IL1RAPL1: variants seen among roughly 807,000 people sequenced by gnomAD.
IL1RAPL1 encodes the protein interleukin 1 receptor accessory protein like 1.
IL1RAPL1 carries 3 observed loss-of-function variants against 48.4 expected under a neutral mutation model. That is an observed-to-expected ratio of 0.06 (90% CI 0.03 to 0.16). The LOEUF (loss-of-function observed/expected upper bound fraction) is 0.16, where lower values mean the gene tolerates loss of function less well. Among genes scored for constraint, IL1RAPL1 ranks in the 10% least tolerant of loss-of-function variants. IL1RAPL1 has a pLI of 1.00. For missense variants in IL1RAPL1, 349 were observed against 530.6 expected (o/e 0.66, Z 3.36); for synonymous variants, 185 against 187.7 (o/e 0.99, Z 0.12).
At chrX:28,839,836 T>C (rs762184601) in intron 2 of IL1RAPL1, among the ~76,000 whole-genome samples, 1 of 110,640 alleles carries the variant, frequency 9.0e-6, no homozygotes, top group Non-Finnish European at 1.9e-5. Flanking sequence ...AATTCATTCA[T>C]TAGGAAAATA....
chrX:29,138,816 A>G (rs1395574277), intron 2 of IL1RAPL1, among the ~76,000 whole-genome samples: 1 of 109,551 alleles, frequency 9.1e-6, no homozygotes, highest in Non-Finnish European at 1.9e-5. Flanking sequence ...ACAATGAAAG[A>G]CATTAACAGG....
At chrX:29,114,483 G>T (rs1433726869) in intron 2 of IL1RAPL1, among the ~76,000 whole-genome samples, 1 of 111,510 alleles carries the variant, frequency 9.0e-6, no homozygotes, top group Non-Finnish European at 1.9e-5. Context: ...CTTTTGTCCT[G>T]ATCAATTTTT....
At chrX:29,377,374 A>T (rs975218375) in intron 3 of IL1RAPL1, among the ~76,000 whole-genome samples, 3 of 111,855 alleles carry the variant, frequency 2.7e-5, no homozygotes, top group African/African-American at 9.8e-5. Context: ...GTTAGTATTG[A>T]TAGATGAGAT....
At chrX:29,587,433 GAT>G (rs1923215531) in intron 5 of IL1RAPL1, among the ~76,000 whole-genome samples, 1 of 110,493 alleles carries the variant, frequency 9.1e-6, no homozygotes, top group Non-Finnish European at 1.9e-5. Flanking sequence ...ATTTCAATTA[GAT>G]AGGAAGAGTA....
At position 28,810,010 on chromosome X, in the gene IL1RAPL1, G is replaced by A. The variant is rs779392469; in HGVS notation, c.82+20585G>A. ...ATAAAGAAGCACAGATGACTTCTAA[G>A]TTTTATGAGTAACTGTATTGATGGT... On this transcript the variant is annotated intron_variant, in intron 2 of 10. Transcript: ENST00000378993. 7.3e-5 allele frequency among the ~76,000 whole-genome samples: 8 copies of A among 109,048 alleles called. No individual in the cohort carries two copies. The South Asian group carries it at 2.8e-3, about 38-fold the overall frequency. 94.7% of individuals were successfully genotyped at this position (109,048 alleles called of 115,157 possible). A position where few individuals can be genotyped will look rare whatever the true frequency, so the allele number is the denominator to read the frequency against.
Position 29,906,251 on chromosome X carries a change from C to T in IL1RAPL1, c.779-11213C>T, listed in dbSNP as rs1211449052. Among the ~76,000 whole-genome samples the T allele has an allele frequency of 1.1e-4, 11 of 103,364 alleles. No homozygotes were observed. The Admixed American group carries it at 1.2e-3, about 11-fold the overall frequency. The allele number at this position is 103,364 out of a possible 115,157, so 89.8% of individuals were successfully genotyped here. A position where few individuals can be genotyped will look rare whatever the true frequency, so the allele number is the denominator to read the frequency against. On this transcript the variant is annotated intron_variant, in intron 6 of 10. Transcript: ENST00000378993. Reference sequence around the variant, plus strand: ...TCGGGAGGCTGAGACAGGAGAATGGCGTGAACCCGGGAGGCGGAGCTTGCA... The same window carrying T: ...TCGGGAGGCTGAGACAGGAGAATGGTGTGAACCCGGGAGGCGGAGCTTGCA...
intron 5 of IL1RAPL1, among the ~76,000 whole-genome samples, chrX:29,586,932 C>G (rs1248002631): frequency 9.0e-6 from 1 of 110,982 alleles, no homozygotes; most frequent in African/African-American, 3.3e-5. Flanking sequence ...TTGGTGGAAT[C>G]TTTAAGATTT....
chrX:28,785,916 A>T (rs1936468216), intron 1 of IL1RAPL1, among the ~76,000 whole-genome samples: 1 of 112,105 alleles, frequency 8.9e-6, no homozygotes, highest in Non-Finnish European at 1.9e-5. Context: ...TTATCAAATG[A>T]TGGGTTTAAA....
At chrX:29,872,451 C>T (rs1313414254) in intron 6 of IL1RAPL1, among the ~76,000 whole-genome samples, 1 of 111,246 alleles carries the variant, frequency 9.0e-6, no homozygotes, top group Non-Finnish European at 1.9e-5. Flanking sequence ...TTGTGTCTCC[C>T]CCAAAATTCA....
At chrX:29,236,811 T>C (rs1473815354) in intron 2 of IL1RAPL1, among the ~76,000 whole-genome samples, 4 of 107,598 alleles carry the variant, frequency 3.7e-5, no homozygotes, top group South Asian at 4.2e-4. Context: ...CCTCATGATC[T>C]GCCCACCTTG....
chrX:28,672,284 G>A (rs1934954456), intron 1 of IL1RAPL1, among the ~76,000 whole-genome samples: 1 of 111,678 alleles, frequency 9.0e-6, no homozygotes, highest in Non-Finnish European at 1.9e-5. Flanking sequence ...AATTAAGGGA[G>A]TCTTGTTACC....
At chrX:29,465,349 T>G (rs1338524659) in intron 5 of IL1RAPL1, among the ~76,000 whole-genome samples, 2 of 111,686 alleles carry the variant, frequency 1.8e-5, no homozygotes, top group Non-Finnish European at 3.8e-5. Context: ...GAGGCAGCAG[T>G]GAGCCATGAT....
intron 2 of IL1RAPL1, among the ~76,000 whole-genome samples, chrX:28,833,393 T>G (rs1250252378): frequency 1.8e-5 from 2 of 111,892 alleles, no homozygotes; most frequent in Non-Finnish European, 3.8e-5. Context: ...CTTTAAGAAA[T>G]CTACAAACAG....
chrX:29,703,074 A>T (rs1180256350), intron 6 of IL1RAPL1, among the ~76,000 whole-genome samples: 2 of 111,997 alleles, frequency 1.8e-5, no homozygotes, highest in East Asian at 5.6e-4. Context: ...AAGACATGAC[A>T]TTGTTTCCAA....
At chrX:28,700,239 T>C (rs928467271) in intron 1 of IL1RAPL1, among the ~76,000 whole-genome samples, 5 of 111,251 alleles carry the variant, frequency 4.5e-5, no homozygotes, top group Non-Finnish European at 9.4e-5. Context: ...AAGAGTATGA[T>C]GTTCTATAAG....
chrX:29,558,621 A>G (rs1000651829), intron 5 of IL1RAPL1, among the ~76,000 whole-genome samples: 1 of 111,853 alleles, frequency 8.9e-6, no homozygotes, highest in African/African-American at 3.2e-5. Context: ...ACCCAGACCA[A>G]TGTCAAAAAG....
intron 2 of IL1RAPL1, among the ~76,000 whole-genome samples, chrX:29,200,729 A>C (rs1022158196): frequency 2.7e-5 from 3 of 112,260 alleles, no homozygotes; most frequent in Admixed American, 9.5e-5. Flanking sequence ...ATTAATACTT[A>C]AGACATATTT....
intron 2 of IL1RAPL1, among the ~76,000 whole-genome samples, chrX:29,127,597 T>C (rs73210074): frequency 0.21 from 23,021 of 111,092 alleles, 2,047 homozygotes; most frequent in African/African-American, 0.33. Context: ...AATCTCCTTT[T>C]GAGTGTCAGA....
rs186587266 is a variant in IL1RAPL1, at chrX:29,664,069, C to T, written c.704-4361C>T. Among the ~76,000 whole-genome samples, 7 of 112,052 alleles carry T rather than the reference C, an allele frequency of 6.2e-5. No homozygotes were observed. In the East Asian group the frequency reaches 2.0e-3, roughly 31 times the overall value. ...ACTGTTAGACCTGTTTCCTTGAACA[C>T]TAACTGTGTGAAATCTTTCCTACTC... On this transcript the variant is annotated intron_variant, in intron 5 of 10. Transcript: ENST00000378993.
Sources: allele counts gnomAD v4.1 joint callset (sites outside exome capture counted in the v4.1 genomes callset), GRCh38; gene constraint gnomAD v4.1.1; transcripts MANE v1.5; gene names NCBI Gene and HGNC (gene_info 2026-07-23, HGNC 2026-07-21).